BBX: variants seen among roughly 807,000 people sequenced by gnomAD.
The protein encoded by BBX is BBX high mobility group box domain containing.
A neutral mutation model predicts 100.2 loss-of-function variants in BBX; 30 were observed. The ratio of observed to expected loss-of-function variants is 0.30; its 90% CI spans 0.22 to 0.41. The LOEUF (loss-of-function observed/expected upper bound fraction) is 0.41, where lower values mean the gene tolerates loss of function less well. BBX is among the 10% of genes least tolerant of loss of function. The pLI is 1.00. For missense variants in BBX, 1,023 were observed against 1,129.8 expected (o/e 0.91, Z 1.35); for synonymous variants, 376 against 388.1 (o/e 0.97, Z 0.37).
At position 107,597,249 on chromosome 3, in the gene BBX, T is replaced by C. The variant is rs562379513; in HGVS notation, c.-83-48587T>C. 5.9e-5 allele frequency among the ~76,000 whole-genome samples: 9 copies of C among 152,278 alleles called. No individual in the cohort carries two copies. In the East Asian group the frequency reaches 1.7e-3, roughly 29 times the overall value. On this transcript the variant is annotated intron_variant, in intron 2 of 17. Transcript: ENST00000325805. The stretch of plus-strand genomic sequence containing the variant: ...TGCCTCCTTAAAACTTTTTCCACAT[T>C]TTATCTTTATATATTGTTATGTTTA...
chr3:107,713,850 C>G (rs1252577350), intron 4 of BBX, among the ~76,000 whole-genome samples: 1 of 151,988 alleles, frequency 6.6e-6, no homozygotes, highest in Non-Finnish European at 1.5e-5. Flanking sequence ...TTCAGATAAA[C>G]CAGCAAGACT....
At chr3:107,676,798 A>G (rs968898724) in intron 3 of BBX, among the ~76,000 whole-genome samples, 3 of 152,122 alleles carry the variant, frequency 2.0e-5, no homozygotes, top group African/African-American at 7.2e-5. Flanking sequence ...AATTGGTGAG[A>G]AAGCGGTGTA....
chr3:107,789,899 A>C, intron 14 of BBX, 23 bp downstream of exon 14: 1 of 1,511,328 alleles, frequency 6.6e-7, no homozygotes, highest in South Asian at 1.2e-5. Flanking sequence ...TCCATCCTCC[A>C]TGAAGGGTTC....
chr3:107,560,421 T>C (rs973808171), intron 2 of BBX, among the ~76,000 whole-genome samples: 1 of 152,236 alleles, frequency 6.6e-6, no homozygotes, highest in Non-Finnish European at 1.5e-5. Context: ...GCTGAGATAC[T>C]AAGTAAAGTC....
chr3:107,616,620 A>C (rs1280641735), intron 2 of BBX, among the ~76,000 whole-genome samples: 2 of 151,822 alleles, frequency 1.3e-5, no homozygotes, highest in Non-Finnish European at 1.5e-5. Flanking sequence ...TGGCAATCTC[A>C]TTGTGGTTTG....
At chr3:107,656,116 A>T (rs2058126317) in intron 3 of BBX, among the ~76,000 whole-genome samples, 3 of 152,182 alleles carry the variant, frequency 2.0e-5, no homozygotes, top group Admixed American at 6.5e-5. Flanking sequence ...TTGAAAAGAG[A>T]TGCAAAATTT....
chr3:107,740,176 C>T (rs1297863452), intron 7 of BBX, among the ~76,000 whole-genome samples: 2 of 151,886 alleles, frequency 1.3e-5, no homozygotes, highest in Admixed American at 6.6e-5. Flanking sequence ...GTCAGGTAGC[C>T]GAGTGCAGTG....
In BBX at chr3:107,751,064, A is replaced by G. The variant is rs141684507; in HGVS notation, c.825+3025A>G. ...TATTAGAGAACCACAGTTTGAGACC[A>G]CTGCTCTATAGTTATGTGTTTTTTA... On this transcript the variant is annotated intron_variant, in intron 9 of 17. Coordinates refer to ENST00000325805, the MANE Select transcript of BBX (RefSeq NM_001142568.3). 7.2e-3 allele frequency among the ~76,000 whole-genome samples: 1,091 copies of G among 150,704 alleles called. 10 individuals carry two copies. The highest frequency in any genetic ancestry group is 0.024 in the African/African-American group (1,000 of 41,274).
At chr3:107,776,970 A>G (rs753204607) in intron 12 of BBX, among the ~76,000 whole-genome samples, 7 of 152,166 alleles carry the variant, frequency 4.6e-5, no homozygotes, top group Non-Finnish European at 7.4e-5. Context: ...CTTTGACAGA[A>G]CTTAGTACAG....
chr3:107,771,156 A>C (rs1248191678), intron 10 of BBX, among the ~76,000 whole-genome samples: 1 of 151,080 alleles, frequency 6.6e-6, no homozygotes, highest in Non-Finnish European at 1.5e-5. Context: ...ATCTCTTTAT[A>C]AGTTCCTCAA....
At chr3:107,635,570 C>T (rs1270476144) in intron 2 of BBX, among the ~76,000 whole-genome samples, 1 of 152,260 alleles carries the variant, frequency 6.6e-6, no homozygotes, top group East Asian at 1.9e-4. Flanking sequence ...AATTTCAAAT[C>T]TAAACATCTT....
intron 2 of BBX, among the ~76,000 whole-genome samples, chr3:107,641,087 C>T (rs1330934189): frequency 1.4e-5 from 2 of 139,440 alleles, no homozygotes; most frequent in Admixed American, 7.2e-5. Flanking sequence ...TCTTTTCTTT[C>T]TTTTTTTTTT....
At position 107,773,617 on chromosome 3, in the gene BBX, G is replaced by A. The variant is rs778798349; in HGVS notation, c.1896G>A (p.Leu632=). 6.2e-7 allele frequency: 1 copy of A among 1,610,728 alleles called. No individual in the cohort carries two copies. The highest frequency in any genetic ancestry group is 1.1e-5 in the South Asian group (1 of 90,466). Residue 632 remains leucine, a synonymous_variant, in exon 11 of 18, where the codon CTG becomes CTA. Coordinates refer to ENST00000325805, the MANE Select transcript of BBX (RefSeq NM_001142568.3). This position sits in a 1 kb window ranked among gnomAD's most constrained non-coding sequence, Gnocchi z 4.1. ...TGTCTGAGGGCATGCTCACCTCTCT[G>A]CGAGCTAATGTTGACAGAGGTAAGT... ...TLVSEGMLTS[L]RANVDRGKRS...
rs540035619 is a variant in BBX at position 107,805,561 on chromosome 3, C to T, written c.*104C>T. ...AGTGGTGGAAAATATAGACTGCAAACAAGTGCTTGTTGCCCCACACGGCCC... is the reference window on the plus strand; with the variant it reads ...AGTGGTGGAAAATATAGACTGCAAATAAGTGCTTGTTGCCCCACACGGCCC... On this transcript the variant is annotated 3_prime_UTR_variant, in exon 18 of 18. Coordinates refer to ENST00000325805, the MANE Select transcript of BBX (RefSeq NM_001142568.3). The T allele has an allele frequency of 1.9e-5, 30 of 1,590,220 alleles. No homozygotes were observed. In the African/African-American group the frequency reaches 2.4e-4, roughly 13 times the overall value.
At chr3:107,632,205 G>T (rs985570929) in intron 2 of BBX, among the ~76,000 whole-genome samples, 1 of 152,008 alleles carries the variant, frequency 6.6e-6, no homozygotes, top group Admixed American at 6.6e-5. Context: ...GCCTACCCGA[G>T]TAGCTGGGAC....
chr3:107,634,984 CAT>C (rs1192425619), intron 2 of BBX, among the ~76,000 whole-genome samples: 1 of 152,166 alleles, frequency 6.6e-6, no homozygotes, highest in Non-Finnish European at 1.5e-5. Context: ...GACCATATCA[CAT>C]ATATTAAATT....
At chr3:107,697,612 G>A (rs2060719548) in intron 3 of BBX, among the ~76,000 whole-genome samples, 1 of 151,936 alleles carries the variant, frequency 6.6e-6, no homozygotes, top group South Asian at 2.1e-4. Flanking sequence ...CTGTCAGACA[G>A]GGACATTTAA....
In BBX at chr3:107,810,384, G is replaced by A. The variant is rs961171421; in HGVS notation, c.*4927G>A. On this transcript the variant is annotated 3_prime_UTR_variant, in exon 18 of 18. Transcript: ENST00000325805. The stretch of plus-strand genomic sequence containing the variant: ...GTGCTTAAATCGATTTTTATGCACA[G>A]AACTAGTTATTGTGAACATTACTGC... 1.3e-5 allele frequency: 2 copies of A among 152,166 alleles called. 1 individual carries two copies. Among genetic ancestry groups the A allele is most frequent in the African/African-American group, 4.8e-5 (2 of 41,436 alleles). 9.4% of individuals were successfully genotyped at this position (152,166 alleles called of 1,614,324 possible).
intron 7 of BBX, among the ~76,000 whole-genome samples, chr3:107,735,717 C>T (rs763552380): frequency 6.6e-6 from 1 of 151,982 alleles, no homozygotes; most frequent in African/African-American, 2.4e-5. Flanking sequence ...CCTAGATCTA[C>T]TGAAATGCAC....
Sources: allele counts gnomAD v4.1 joint callset (sites outside exome capture counted in the v4.1 genomes callset), GRCh38; gene constraint gnomAD v4.1.1; non-coding constraint Gnocchi (gnomAD v3.1); transcripts MANE v1.5; gene names NCBI Gene and HGNC (gene_info 2026-07-23, HGNC 2026-07-21).